CPPED1: variants seen among roughly 807,000 people sequenced by gnomAD.
CPPED1 encodes serine/threonine-protein phosphatase CPPED1.
In CPPED1, 28 loss-of-function variants were observed where a neutral mutation model predicts 28.0. That is an observed-to-expected ratio of 1.00 (90% CI 0.74 to 1.37). The LOEUF (loss-of-function observed/expected upper bound fraction) is 1.37, where lower values mean the gene tolerates loss of function less well. Among genes scored for constraint, CPPED1 ranks in the 40% most tolerant of loss-of-function variants. The pLI is 0.00. For missense variants in CPPED1, 504 were observed against 416.5 expected, an observed-to-expected ratio of 1.21 and a Z score of -1.83; for synonymous variants, 198 against 180.2, an observed-to-expected ratio of 1.10 and a Z score of -0.79.
At chr16:12,692,005 C>T (rs2079966286) in intron 3 of CPPED1, among the ~76,000 whole-genome samples, 1 of 151,868 alleles carries the variant, frequency 6.6e-6, no homozygotes, top group South Asian at 2.1e-4. Flanking sequence ...AGGCATGCAC[C>T]ACCATGCCTG....
At chr16:12,781,515 A>AT in intron 1 of CPPED1, 112 bp from the exon 2 acceptor site, 2 of 882,940 alleles carry the variant, frequency 2.3e-6, no homozygotes, top group Non-Finnish European at 3.5e-6. Flanking sequence ...TAAGTAGGTC[A>AT]TTTTAATAAG....
rs557806903 is a variant in CPPED1, at chr16:12,799,052, G to A, written c.70+4655C>T. 2.1e-3 allele frequency among the ~76,000 whole-genome samples: 322 copies of A among 152,218 alleles called. 9 individuals carry two copies. The highest frequency in any genetic ancestry group is 3.9e-3 in the Admixed American group (59 of 15,286). On this transcript the variant is annotated intron_variant, in intron 1 of 3. Coordinates refer to ENST00000381774, the MANE Select transcript of CPPED1 (RefSeq NM_018340.3). ...CTGTTACTCACGTAAATCACCGGTG[G>A]GAGGAAATGGGTCTTAAAGCAAAGC...
intron 3 of CPPED1, among the ~76,000 whole-genome samples, chr16:12,687,498 A>G (rs2079939578): frequency 6.6e-6 from 1 of 152,120 alleles, no homozygotes; most frequent in Admixed American, 6.5e-5. Context: ...GGTTATTCCT[A>G]GGCCAGGCAC....
chr16:12,697,165 CA>C (rs2079995742), intron 3 of CPPED1, among the ~76,000 whole-genome samples: 1 of 152,004 alleles, frequency 6.6e-6, no homozygotes, highest in Non-Finnish European at 1.5e-5. Context: ...GCTAGGACTA[CA>C]AGTGTGTGCC....
At chr16:12,796,550 G>T (rs1024419606) in intron 1 of CPPED1, among the ~76,000 whole-genome samples, 1 of 152,094 alleles carries the variant, frequency 6.6e-6, no homozygotes, top group Non-Finnish European at 1.5e-5. Flanking sequence ...GATTTGGATG[G>T]TTATAATAAA....
Position 12,739,237 on chromosome 16 carries a change from G to A in CPPED1, c.290-34188C>T, listed in dbSNP as rs552453417. Among the ~76,000 whole-genome samples, 3 of 152,156 alleles carry A rather than the reference G, an allele frequency of 2.0e-5. No homozygotes were observed. The South Asian group carries it at 6.2e-4, about 32-fold the overall frequency. ...CTGGACACTAAATGAATGGATAAAT[G>A]AATGGACAAACAGTCCAAGCAAGTG... On this transcript the variant is annotated intron_variant, in intron 2 of 3. Coordinates refer to ENST00000381774, the MANE Select transcript of CPPED1 (RefSeq NM_018340.3).
rs1596455054 is a variant in CPPED1 at position 12,709,144 on chromosome 16, G to GA, written c.290-4096dup. 6.6e-6 allele frequency among the ~76,000 whole-genome samples: 1 copy of GA among 152,108 alleles called. No homozygotes were observed. Among genetic ancestry groups the GA allele is most frequent in the South Asian group, 2.1e-4 (1 of 4,826 alleles). On this transcript the variant is annotated intron_variant, in intron 2 of 3. Transcript: ENST00000381774. The surrounding 1 kb of genome is among the most constrained non-coding windows in gnomAD (Gnocchi z 4.4). ...GCCAACCTCACCAGCATCATGAACA[G>GA]AAAAAACAGAAACCTGCCCAAGGAC...
At chr16:12,706,994 C>T (rs994215092) in intron 2 of CPPED1, among the ~76,000 whole-genome samples, 9 of 152,186 alleles carry the variant, frequency 5.9e-5, no homozygotes, top group Admixed American at 2.6e-4. Context: ...ATTCACCTAC[C>T]GTCTGCATCG....
chr16:12,698,973 A>G (rs1366521624), intron 3 of CPPED1, among the ~76,000 whole-genome samples: 1 of 152,218 alleles, frequency 6.6e-6, no homozygotes, highest in African/African-American at 2.4e-5. Context: ...CGAGACATCA[A>G]GGGAAACATG....
intron 2 of CPPED1, among the ~76,000 whole-genome samples, chr16:12,771,232 C>A (rs1461865152): frequency 6.6e-6 from 1 of 152,210 alleles, no homozygotes; most frequent in Admixed American, 6.5e-5. Context: ...TTCACTAACA[C>A]AGCACAAACA....
intron 3 of CPPED1, among the ~76,000 whole-genome samples, chr16:12,697,468 A>G (rs2079997910): frequency 6.6e-6 from 1 of 152,036 alleles, no homozygotes; most frequent in Admixed American, 6.6e-5. Context: ...TTCTGGGCAG[A>G]CCTTTCTGTC....
intron 2 of CPPED1, among the ~76,000 whole-genome samples, chr16:12,749,433 C>G (rs145764385): frequency 9.8e-5 from 15 of 152,332 alleles, no homozygotes; most frequent in African/African-American, 3.6e-4. Flanking sequence ...TCAGACTCCA[C>G]TTTTAATTCC....
chr16:12,756,966 AATCCC>A (rs1321580224), intron 2 of CPPED1, among the ~76,000 whole-genome samples: 1 of 152,198 alleles, frequency 6.6e-6, no homozygotes, highest in African/African-American at 2.4e-5. Context: ...TTTTAGATTC[AATCCC>A]GTGAAAAAAC....
chr16:12,677,317 A>C (rs1302998199), intron 3 of CPPED1, among the ~76,000 whole-genome samples: 1 of 152,194 alleles, frequency 6.6e-6, no homozygotes, highest in East Asian at 1.9e-4. Context: ...GGGGCTATAG[A>C]CTGGCTGAAA....
chr16:12,781,738 G>A (rs1051678805), intron 1 of CPPED1, among the ~76,000 whole-genome samples: 6 of 152,062 alleles, frequency 3.9e-5, no homozygotes, highest in South Asian at 2.1e-4. Context: ...CTCCATAATC[G>A]TCTTTAAATT....
At chr16:12,691,202 TC>T (rs1199255374) in intron 3 of CPPED1, among the ~76,000 whole-genome samples, 6 of 152,246 alleles carry the variant, frequency 3.9e-5, no homozygotes, top group African/African-American at 1.4e-4. Flanking sequence ...GTCTACAAAA[TC>T]AGAGCAAGAG....
At chr16:12,774,294 C>G (rs2080485443) in intron 2 of CPPED1, among the ~76,000 whole-genome samples, 1 of 151,950 alleles carries the variant, frequency 6.6e-6, no homozygotes. Context: ...AAGATGAAAC[C>G]CCATCTCTAC....
At position 12,718,198 on chromosome 16, in the gene CPPED1, G is replaced by A. The variant is rs189758864; in HGVS notation, c.290-13149C>T. 1.3e-3 allele frequency among the ~76,000 whole-genome samples: 196 copies of A among 152,270 alleles called. 1 individual carries two copies. The highest frequency in any genetic ancestry group is 6.8e-3 in the Middle Eastern group (2 of 292). The stretch of plus-strand genomic sequence containing the variant: ...AATCCCTTAAGCAGTGAGTCAGCTT[G>A]GCCACGTTTTTCTTGATGTGATATC... On this transcript the variant is annotated intron_variant, in intron 2 of 3. Coordinates refer to ENST00000381774, the MANE Select transcript of CPPED1 (RefSeq NM_018340.3).
chr16:12,778,263 T>C (rs2080509488), intron 2 of CPPED1, among the ~76,000 whole-genome samples: 1 of 133,780 alleles, frequency 7.5e-6, no homozygotes, highest in African/African-American at 2.8e-5. Context: ...CTTTTCTTTT[T>C]TCTTTCTTTC....
Sources: allele counts gnomAD v4.1 joint callset (sites outside exome capture counted in the v4.1 genomes callset), GRCh38; gene constraint gnomAD v4.1.1; non-coding constraint Gnocchi (gnomAD v3.1); transcripts MANE v1.5; gene names NCBI Gene and HGNC (gene_info 2026-07-23, HGNC 2026-07-21).